TENM2: variants seen among roughly 807,000 people sequenced by gnomAD.
TENM2 encodes teneurin-2.
In TENM2, 52 loss-of-function variants were observed where a neutral mutation model predicts 245.2. That is an observed-to-expected ratio of 0.21 (90% CI 0.17 to 0.27). TENM2 has a LOEUF of 0.27. TENM2 is among the 10% of genes least tolerant of loss of function. The pLI, the probability that TENM2 is intolerant of heterozygous loss-of-function variation, is 1.00. For synonymous variants in TENM2, 1,363 were observed against 1,438.9 expected (o/e 0.95, Z 1.19); for missense variants, 3,046 against 3,666.8 (o/e 0.83, Z 4.37).
intron 2 of TENM2, among the ~76,000 whole-genome samples, chr5:167,572,305 A>G (rs767794351): frequency 5.3e-5 from 8 of 152,218 alleles, no homozygotes; most frequent in Non-Finnish European, 1.0e-4. Context: ...GGTGGCTTAC[A>G]TAGGAATTCC....
the TENM2 span, among the ~76,000 whole-genome samples, chr5:167,173,396 A>T: frequency 6.6e-6 from 1 of 152,158 alleles, no homozygotes; most frequent in African/African-American, 2.4e-5. Context: ...GAATCCTTAA[A>T]TCCTGACCCA....
chr5:168,153,363 G>C (rs879454874), intron 12 of TENM2, among the ~76,000 whole-genome samples: 1 of 152,186 alleles, frequency 6.6e-6, no homozygotes, highest in African/African-American at 2.4e-5. Context: ...TTAAACAAAG[G>C]GTTCATTAGA....
At chr5:167,879,784 T>G (rs1416941378) in intron 3 of TENM2, among the ~76,000 whole-genome samples, 4 of 152,142 alleles carry the variant, frequency 2.6e-5, no homozygotes, top group African/African-American at 9.7e-5. Flanking sequence ...TTGGTAGATC[T>G]TATGTGGCAA....
chr5:167,487,627 T>C (rs1447447517), intron 2 of TENM2, among the ~76,000 whole-genome samples: 1 of 152,218 alleles, frequency 6.6e-6, no homozygotes, highest in Non-Finnish European at 1.5e-5. Context: ...TGGTCTTTCA[T>C]TGTAATTAAC....
In TENM2 at chr5:167,353,500, G is replaced by GTTTTTT. The variant is rs59240930; in HGVS notation, c.227-21678_227-21673dup. Among the ~76,000 whole-genome samples, 298 of 79,428 alleles carry GTTTTTT rather than the reference G, an allele frequency of 3.8e-3. 9 individuals carry two copies. Among genetic ancestry groups the GTTTTTT allele is most frequent in the African/African-American group, 9.0e-3 (169 of 18,714 alleles). 52.1% of individuals were successfully genotyped at this position (79,428 alleles called of 152,430 possible). A position where few individuals can be genotyped will look rare whatever the true frequency, so the allele number is the denominator to read the frequency against. On this transcript the variant is annotated intron_variant, in intron 1 of 28. Coordinates refer to ENST00000518659, the Ensembl canonical transcript of TENM2. ...TATGGTGTTTTTTGTTGTTGTTGTT[G>GTTTTTT]TTTTTTTTTTTTTTTTTTTTTTTTT...
At chr5:167,727,854 T>C (rs532503943) in intron 2 of TENM2, among the ~76,000 whole-genome samples, 1 of 152,336 alleles carries the variant, frequency 6.6e-6, no homozygotes, top group South Asian at 2.1e-4. Flanking sequence ...ACAAACTCTT[T>C]CCTTTATATT....
the TENM2 span, among the ~76,000 whole-genome samples, chr5:167,112,154 TTCA>T: frequency 1.3e-5 from 2 of 152,254 alleles, no homozygotes; most frequent in South Asian, 4.1e-4. Flanking sequence ...TGGCGACAAC[TTCA>T]TCATTGTTCC....
At chr5:167,963,240 ATAT>A (rs1468136923) in intron 4 of TENM2, among the ~76,000 whole-genome samples, 4 of 152,300 alleles carry the variant, frequency 2.6e-5, no homozygotes, top group Admixed American at 2.6e-4. Flanking sequence ...ATATGATAGC[ATAT>A]TATTATTTGT....
chr5:167,870,526 A>G (rs1178983747), intron 2 of TENM2, among the ~76,000 whole-genome samples: 1 of 150,274 alleles, frequency 6.7e-6, no homozygotes. Flanking sequence ...TTCAGAGAAA[A>G]GTACTGAATG....
chr5:167,184,972 C>A, the TENM2 span, among the ~76,000 whole-genome samples: 1 of 152,172 alleles, frequency 6.6e-6, no homozygotes, highest in African/African-American at 2.4e-5. Context: ...ATGGGATTCG[C>A]GCTCCTCTGA....
intron 6 of TENM2, among the ~76,000 whole-genome samples, chr5:168,047,767 T>G (rs890142551): frequency 6.6e-6 from 1 of 152,238 alleles, no homozygotes; most frequent in Non-Finnish European, 1.5e-5. Context: ...GCTGGCACAG[T>G]GCCTGCTCAG....
chr5:166,987,463 A>C, the TENM2 span, among the ~76,000 whole-genome samples: 2 of 151,608 alleles, frequency 1.3e-5, no homozygotes, highest in African/African-American at 2.4e-5. Flanking sequence ...TTAGAACTCC[A>C]AATGTATTTA....
chr5:167,099,547 T>A, the TENM2 span, among the ~76,000 whole-genome samples: 1 of 151,876 alleles, frequency 6.6e-6, no homozygotes. Context: ...AATATAAAAT[T>A]AGCTGGGCAT....
At chr5:168,032,116 C>G (rs141724987) in intron 5 of TENM2, among the ~76,000 whole-genome samples, 14 of 152,318 alleles carry the variant, frequency 9.2e-5, no homozygotes, top group African/African-American at 3.1e-4. Context: ...TCTGCCACTA[C>G]TGGCAGACTA....
intron 7 of TENM2, among the ~76,000 whole-genome samples, chr5:168,074,601 G>A (rs1228065813): frequency 0.015 from 2 of 136 alleles, no homozygotes; most frequent in East Asian, 0.33. Context: ...ACAGCTGACA[G>A]AAGATCATCT....
the TENM2 span, among the ~76,000 whole-genome samples, chr5:167,239,401 T>C: frequency 5.9e-5 from 9 of 152,320 alleles, no homozygotes; most frequent in East Asian, 1.7e-3. Context: ...ATCAAGAACA[T>C]GTTTTCTTCT....
chr5:167,514,193 GT>G (rs1226241850), intron 2 of TENM2, among the ~76,000 whole-genome samples: 1 of 152,094 alleles, frequency 6.6e-6, no homozygotes, highest in African/African-American at 2.4e-5. Context: ...ATCAATCCAT[GT>G]TTACTACCTA....
intron 25 of TENM2, among the ~76,000 whole-genome samples, chr5:168,236,518 C>T (rs1002322321): frequency 2.0e-5 from 3 of 152,184 alleles, no homozygotes; most frequent in Non-Finnish European, 4.4e-5. Flanking sequence ...TACCCAGGCC[C>T]CCACTGAGCA....
exon 1 of TENM2, chr5:167,285,043 C>T: frequency 1.3e-6 from 2 of 1,552,032 alleles, no homozygotes; most frequent in Non-Finnish European, 1.7e-6. Context: ...CACCGGGAGT[C>T]AGATGAGTTT....
Sources: allele counts gnomAD v4.1 joint callset (sites outside exome capture counted in the v4.1 genomes callset), GRCh38; gene constraint gnomAD v4.1.1; transcripts MANE v1.5; gene names NCBI Gene and HGNC (gene_info 2026-07-23, HGNC 2026-07-21).